The following PRDM4 variants were observed in gnomAD, a reference collection of about 807,000 sequenced individuals.
PRDM4 encodes PR/SET domain 4, also known as PR domain zinc finger protein 4.
A neutral mutation model predicts 62.3 loss-of-function variants in PRDM4; 38 were observed. The observed-to-expected ratio is 0.61, with a 90% CI of 0.47 to 0.80. PRDM4 has a LOEUF of 0.80. Ranked by LOEUF, PRDM4 falls within the 30% of genes least tolerant of loss-of-function variation. PRDM4 has a pLI of 0.00. For missense variants in PRDM4, 858 were observed against 997.1 expected (o/e 0.86, Z 1.88); for synonymous variants, 339 against 348.2 (o/e 0.97, Z 0.30).
At chr12:107,737,584 A>G (rs1890374045) in intron 11 of PRDM4, among the ~76,000 whole-genome samples, 1 of 152,210 alleles carries the variant, frequency 6.6e-6, no homozygotes, top group South Asian at 2.1e-4. Context: ...TCCTCAAACT[A>G]TAATTGTGTG....
chr12:107,753,141 G>A (rs1253567551), intron 4 of PRDM4, among the ~76,000 whole-genome samples: 1 of 152,210 alleles, frequency 6.6e-6, no homozygotes, highest in East Asian at 1.9e-4. Context: ...GGATGCTGAC[G>A]TGGGCGGATG....
chr12:107,740,918 T>G (rs745455730), intron 10 of PRDM4, 28 bp downstream of exon 10: 2 of 1,591,388 alleles, frequency 1.3e-6, no homozygotes. Context: ...TTGCAAAAAT[T>G]CCATTCTGAT....
At chr12:107,756,731 T>C (rs1891076704) in intron 3 of PRDM4, 101 bp downstream of exon 3, 2 of 1,399,166 alleles carry the variant, frequency 1.4e-6, no homozygotes, top group Non-Finnish European at 1.9e-6. Context: ...TTCTCCCTTC[T>C]ACCTTCTACC....
Position 107,734,374 on chromosome 12 carries a change from G to A in PRDM4, c.2242C>T (p.His748Tyr). The A allele has an allele frequency of 1.2e-6, 2 of 1,614,144 alleles. No homozygotes were observed. The highest frequency in any genetic ancestry group is 1.7e-6 in the Non-Finnish European group (2 of 1,180,022). The change falls in exon 12 of 12, where the codon CAC becomes TAC. Residue 748 changes from histidine (H) to tyrosine (Y), a missense_variant. Around this residue, in one of 3 missense-constraint regions of PRDM4, gnomAD observed 355 missense variants for 432.6 expected, o/e 0.82. Coordinates refer to ENST00000228437, the MANE Select transcript of PRDM4 (RefSeq NM_012406.4). ...AYLTKYHLTR[H>Y]LKTCKGPTSS... ...GTGGGCCCTTTGCAGGTTTTCAGGT[G>A]GCGGGTGAGATGGTATTTGGTTAGA...
chr12:107,747,639 G>C (rs140846491), intron 5 of PRDM4, among the ~76,000 whole-genome samples: 1 of 152,136 alleles, frequency 6.6e-6, no homozygotes, highest in Non-Finnish European at 1.5e-5. Flanking sequence ...GCTTATGAGT[G>C]TCCTCCTCCG....
chr12:107,742,898 G>A (rs539736754), intron 8 of PRDM4, among the ~76,000 whole-genome samples: 13 of 151,984 alleles, frequency 8.6e-5, no homozygotes, highest in Admixed American at 4.6e-4. Flanking sequence ...CAAGAGCTGG[G>A]ACTACATGCA....
At chr12:107,737,189 TA>T (rs1316678405) in intron 11 of PRDM4, among the ~76,000 whole-genome samples, 2 of 152,022 alleles carry the variant, frequency 1.3e-5, no homozygotes, top group African/African-American at 2.4e-5. Flanking sequence ...CGGGGGACAC[TA>T]GGGGGGGAAC....
At chr12:107,750,215 G>A (rs776655465) in intron 5 of PRDM4, among the ~76,000 whole-genome samples, 15 of 152,108 alleles carry the variant, frequency 9.9e-5, no homozygotes, top group African/African-American at 3.6e-4. Context: ...TTGGTAGATC[G>A]TTCTATCCCT....
At chr12:107,745,696 A>G (rs1252876185) in intron 6 of PRDM4, among the ~76,000 whole-genome samples, 2 of 152,234 alleles carry the variant, frequency 1.3e-5, no homozygotes, top group Non-Finnish European at 2.9e-5. Context: ...GCACTGCTCT[A>G]TTTTACCTAA....
intron 5 of PRDM4, among the ~76,000 whole-genome samples, chr12:107,749,328 A>C (rs1266959515): frequency 6.6e-6 from 1 of 152,050 alleles, no homozygotes; most frequent in Non-Finnish European, 1.5e-5. Flanking sequence ...TCCTCCCAAA[A>C]TAATAAAAAT....
chr12:107,756,735 TTCTACCC>T, intron 3 of PRDM4, 90 bp downstream of exon 3: 1 of 1,434,128 alleles, frequency 7.0e-7, no homozygotes, highest in Non-Finnish European at 9.5e-7. Context: ...CCCTTCTACC[TTCTACCC>T]TTAAAGGGGC....
chr12:107,752,315 T>G lies in PRDM4; in HGVS notation c.332-106A>C, dbSNP rs1445665435. 3 of 796,222 alleles carry G rather than the reference T, an allele frequency of 3.8e-6. No individual in the cohort carries two copies. In the Admixed American group the frequency reaches 7.9e-5, roughly 21 times the overall value. 49.3% of individuals were successfully genotyped at this position (796,222 alleles called of 1,614,324 possible). A position where few individuals can be genotyped will look rare whatever the true frequency, so the allele number is the denominator to read the frequency against. Reference sequence around the variant, plus strand: ...CAAACATAACTAAGTTCAAATAATCTCCTGCTTCTTTAATTTAATCGATAC... The same window carrying G: ...CAAACATAACTAAGTTCAAATAATCGCCTGCTTCTTTAATTTAATCGATAC... On this transcript the variant is annotated intron_variant, in intron 4 of 11. Coordinates refer to ENST00000228437, the MANE Select transcript of PRDM4 (RefSeq NM_012406.4).
At chr12:107,754,649 C>T (rs185230300) in intron 3 of PRDM4, among the ~76,000 whole-genome samples, 10 of 152,116 alleles carry the variant, frequency 6.6e-5, no homozygotes, top group Admixed American at 2.6e-4. Context: ...TCCCAAAGTG[C>T]GGGGATTGCC....
intron 7 of PRDM4, 57 bp from the exon 8 acceptor site, chr12:107,743,339 C>T (rs1477552527): frequency 1.5e-5 from 19 of 1,267,466 alleles, no homozygotes; most frequent in South Asian, 3.6e-5. Context: ...TAAAGCACTA[C>T]ATTACACTTA....
chr12:107,753,877 T>G (rs769433305), intron 4 of PRDM4, 47 bp downstream of exon 4: 4 of 1,536,174 alleles, frequency 2.6e-6, no homozygotes, highest in Non-Finnish European at 3.5e-6. Flanking sequence ...GTTTAAAAGC[T>G]GGCGCCGTTC....
Position 107,734,218 on chromosome 12 carries a change from G to C in PRDM4, c.2398C>G (p.His800Asp). Residue 800 changes from histidine to aspartate, a missense_variant, in exon 12 of 12, where the codon CAT becomes GAT. This residue lies in a region of PRDM4 where 355 missense variants were observed against 432.6 expected (regional missense o/e 0.82). Transcript: ENST00000228437. ...GCTTGTTTCTTTTCCTTTTATTTATGTGCAGAAAGAGACTCATCCGCTGAA... is the reference window on the plus strand; with the variant it reads ...GCTTGTTTCTTTTCCTTTTATTTATCTGCAGAAAGAGACTCATCCGCTGAA... Reference protein sequence around the residue: ...VYSADESLSAHK With the variant: ...VYSADESLSADK The C allele has an allele frequency of 6.3e-7, 1 of 1,583,220 alleles. No individual in the cohort carries two copies. The highest frequency in any genetic ancestry group is 8.6e-7 in the Non-Finnish European group (1 of 1,166,684).
chr12:107,745,392 T>C (rs1890666009), intron 6 of PRDM4, among the ~76,000 whole-genome samples: 1 of 152,004 alleles, frequency 6.6e-6, no homozygotes, highest in African/African-American at 2.4e-5. Flanking sequence ...TGAGATGCTG[T>C]CTCTACAAAA....
At chr12:107,752,235 CAG>C in intron 4 of PRDM4, 26 bp from the exon 5 acceptor site, 1 of 1,504,600 alleles carries the variant, frequency 6.6e-7, no homozygotes, top group South Asian at 1.1e-5. Context: ...GATGAGATAT[CAG>C]AGACTTTTAG....
intron 7 of PRDM4, 143 bp downstream of exon 7, chr12:107,744,400 A>T (rs1284854557): frequency 1.1e-6 from 1 of 936,232 alleles, no homozygotes; most frequent in Non-Finnish European, 1.6e-6. Context: ...TGTAACATTT[A>T]AAAAAATGTA....
Sources: gnomAD v4.1 joint callset for allele counts (sites outside exome capture counted in the v4.1 genomes callset) on GRCh38, gnomAD v4.1.1 for gene constraint, gnomAD v4.1.1 regional missense constraint, MANE v1.5 for transcripts, NCBI Gene and HGNC (gene_info 2026-07-23, HGNC 2026-07-21) for gene names.